The following NEBL variants were observed in gnomAD, a reference collection of about 807,000 sequenced individuals.
NEBL encodes LIM and SH3 protein 2.
Under a neutral mutation model 140.2 loss-of-function variants are expected in NEBL, and 122 were observed. That is an observed-to-expected ratio of 0.87 (90% CI 0.75 to 1.01). The LOEUF (loss-of-function observed/expected upper bound fraction) is 1.01. NEBL is among the 50% of genes least tolerant of loss of function. NEBL has a pLI of 0.00. For synonymous variants in NEBL, 436 were observed against 398.9 expected, an observed-to-expected ratio of 1.09 and a Z score of -1.11; for missense variants, 1,365 against 1,231.3, an observed-to-expected ratio of 1.11 and a Z score of -1.62.
At chr10:21,143,520 C>T (rs1418467066) in intron 2 of NEBL, among the ~76,000 whole-genome samples, 1 of 148,636 alleles carries the variant, frequency 6.7e-6, no homozygotes, top group African/African-American at 2.5e-5. Context: ...CAATTCAATG[C>T]AATAAGTACA....
At chr10:21,029,604 T>C (rs1833693115) in intron 2 of NEBL, 2 of 1,560,626 alleles carry the variant, frequency 1.3e-6, no homozygotes, top group African/African-American at 2.7e-5. Flanking sequence ...GGAGGGCTCG[T>C]TCTGCCACAG....
intron 2 of NEBL, chr10:21,126,210 A>C: frequency 7.6e-7 from 1 of 1,307,946 alleles, no homozygotes; most frequent in Non-Finnish European, 1.1e-6. Flanking sequence ...AATAATAACA[A>C]CTACATTGCT....
At chr10:20,895,058 G>T (rs1847362232) in intron 2 of NEBL, among the ~76,000 whole-genome samples, 1 of 151,950 alleles carries the variant, frequency 6.6e-6, no homozygotes, top group Admixed American at 6.6e-5. Flanking sequence ...ACCTACGTGG[G>T]TGTGAAATGT....
intron 3 of NEBL, among the ~76,000 whole-genome samples, chr10:21,013,488 A>C (rs1209266286): frequency 6.6e-6 from 1 of 152,204 alleles, no homozygotes; most frequent in Non-Finnish European, 1.5e-5. Context: ...AGGCAAGCAT[A>C]AAAGGCTTCT....
At chr10:20,888,075 A>C in intron 4 of NEBL, 22 bp downstream of exon 4, 1 of 1,490,984 alleles carries the variant, frequency 6.7e-7, no homozygotes, top group Non-Finnish European at 9.4e-7. Flanking sequence ...CAAAATCATG[A>C]AACACTTTAG....
intron 2 of NEBL, among the ~76,000 whole-genome samples, chr10:21,115,332 C>T (rs1838230222): frequency 6.6e-6 from 1 of 151,886 alleles, no homozygotes; most frequent in Admixed American, 6.6e-5. Context: ...TTCATATTTA[C>T]CTTTTCTAGT....
chr10:20,981,329 T>A (rs1247174888), intron 3 of NEBL, among the ~76,000 whole-genome samples: 1 of 150,870 alleles, frequency 6.6e-6, no homozygotes, highest in Non-Finnish European at 1.5e-5. Context: ...GACATTCTAA[T>A]GTTGACTTCA....
At chr10:21,116,463 A>G (rs1838288598) in intron 2 of NEBL, among the ~76,000 whole-genome samples, 1 of 152,120 alleles carries the variant, frequency 6.6e-6, no homozygotes, top group Admixed American at 6.6e-5. Flanking sequence ...CAAATTACCA[A>G]AGTGTCCATC....
At chr10:21,121,243 A>C (rs74121025) in intron 2 of NEBL, among the ~76,000 whole-genome samples, 2,901 of 152,216 alleles carry the variant, frequency 0.019, 87 homozygotes, top group African/African-American at 0.065. Context: ...TGGAGAGACA[A>C]CCTGAGCCCT....
intron 3 of NEBL, among the ~76,000 whole-genome samples, chr10:21,234,557 C>T (rs1842323146): frequency 1.3e-5 from 2 of 152,118 alleles, no homozygotes. Context: ...ATAAATTACC[C>T]AGTCTCAGGT....
chr10:21,171,268 G>A (rs1841060984), intron 2 of NEBL, among the ~76,000 whole-genome samples: 2 of 151,246 alleles, frequency 1.3e-5, no homozygotes, highest in Admixed American at 1.3e-4. Context: ...CTGGGAGGTG[G>A]TGGTTGCAGT....
At chr10:21,051,315 T>A (rs1164551607) in intron 2 of NEBL, among the ~76,000 whole-genome samples, 1 of 152,162 alleles carries the variant, frequency 6.6e-6, no homozygotes, top group Non-Finnish European at 1.5e-5. Context: ...AAATTAGAAA[T>A]CAATGTTAAT....
chr10:21,153,643 G>A (rs1840227004), intron 2 of NEBL, among the ~76,000 whole-genome samples: 1 of 152,100 alleles, frequency 6.6e-6, no homozygotes, highest in African/African-American at 2.4e-5. Context: ...AATCTCCTGA[G>A]TAGCTGGGAT....
intron 4 of NEBL, among the ~76,000 whole-genome samples, chr10:20,883,735 T>C (rs2131335324): frequency 6.6e-6 from 1 of 152,352 alleles, no homozygotes; most frequent in South Asian, 2.1e-4. Context: ...GATCATTTTG[T>C]GGGTTATCAC....
At chr10:21,065,442 A>G (rs1304617902) in intron 2 of NEBL, among the ~76,000 whole-genome samples, 15 of 152,224 alleles carry the variant, frequency 9.9e-5, no homozygotes, top group Admixed American at 9.8e-4. Flanking sequence ...AACAGGGAAT[A>G]TATGATAGTT....
Position 21,193,215 on chromosome 10 carries a change from G to A in NEBL, n.349-20738C>T, listed in dbSNP as rs141312027. Among the ~76,000 whole-genome samples the A allele has an allele frequency of 1.9e-3, 294 of 152,272 alleles. 1 individual carries two copies. The highest frequency in any genetic ancestry group is 6.3e-3 in the African/African-American group (261 of 41,554). On this transcript the variant is annotated intron_variant and non_coding_transcript_variant, in intron 3 of 8. Coordinates refer to the NEBL transcript ENST00000675702. ...AGAAGGTAGAAATATGGGGGAAGACGTGGGTGAGCACCTGGAGACCTGGAA... is the reference window on the plus strand; with the variant it reads ...AGAAGGTAGAAATATGGGGGAAGACATGGGTGAGCACCTGGAGACCTGGAA...
chr10:21,292,008 T>C (rs1843151267), intron 1 of NEBL, among the ~76,000 whole-genome samples: 1 of 151,790 alleles, frequency 6.6e-6, no homozygotes, highest in Admixed American at 6.6e-5. Flanking sequence ...AGACTTGGTT[T>C]CTCTTCCAAA....
chr10:20,961,813 G>A, intron 3 of NEBL: 2 of 1,524,974 alleles, frequency 1.3e-6, no homozygotes, highest in Non-Finnish European at 1.8e-6. Context: ...AGTGAACAGA[G>A]GGATCACGAA....
At position 21,055,407 on chromosome 10, in the gene NEBL, A is replaced by G. The variant is rs540298494; in HGVS notation, c.165-35206T>C. 1.2e-4 allele frequency among the ~76,000 whole-genome samples: 18 copies of G among 152,332 alleles called. No homozygotes were observed. In the South Asian group the frequency reaches 3.7e-3, roughly 32 times the overall value. ...GGTCTGGAGGCAGAGGGTCTGTGGC[A>G]TCAAAGCCACAGATCTTTTAACTTT... On this transcript the variant is annotated intron_variant, in intron 2 of 6. Coordinates refer to the NEBL transcript ENST00000417816.
Sources: allele counts gnomAD v4.1 joint callset (sites outside exome capture counted in the v4.1 genomes callset), GRCh38; gene constraint gnomAD v4.1.1; transcripts MANE v1.5; gene names NCBI Gene and HGNC (gene_info 2026-07-23, HGNC 2026-07-21).